The following PTPRN2 variants were observed in gnomAD, a reference collection of about 807,000 sequenced individuals.
The protein encoded by PTPRN2 is protein tyrosine phosphatase receptor type N2, also known as receptor-type tyrosine-protein phosphatase N2.
Under a neutral mutation model 118.8 loss-of-function variants are expected in PTPRN2, and 74 were observed. The observed-to-expected ratio is 0.62, with a 90% confidence interval of 0.52 to 0.76. PTPRN2 has a LOEUF of 0.76. Ranked by LOEUF, PTPRN2 falls within the 30% of genes least tolerant of loss-of-function variation. PTPRN2 has a pLI of 0.00. For synonymous variants in PTPRN2, 641 were observed against 608.0 expected, an observed-to-expected ratio of 1.05 and a Z score of -0.80; for missense variants, 1,481 against 1,394.4, an observed-to-expected ratio of 1.06 and a Z score of -0.99.
chr7:158,071,005 TGGTGG>T (rs1811373585), intron 11 of PTPRN2, among the ~76,000 whole-genome samples: 3 of 82,790 alleles, frequency 3.6e-5, no homozygotes, highest in Non-Finnish European at 4.6e-5. Context: ...GTGCTCATGG[TGGTGG>T]AGGTGCTCGT....
intron 2 of PTPRN2, among the ~76,000 whole-genome samples, chr7:158,376,570 C>T (rs374756094): frequency 5.8e-4 from 32 of 55,364 alleles, no homozygotes; most frequent in African/African-American, 2.1e-3. Context: ...ATCCTGCACG[C>T]GGGGTCAGGG....
At chr7:157,826,547 G>A (rs1481132386) in intron 12 of PTPRN2, among the ~76,000 whole-genome samples, 10 of 144,672 alleles carry the variant, frequency 6.9e-5, no homozygotes, top group South Asian at 6.7e-4. Context: ...CCATTTCCAC[G>A]CGTGCTGTGC....
intron 3 of PTPRN2, among the ~76,000 whole-genome samples, chr7:158,299,805 C>G (rs932194745): frequency 1.3e-5 from 2 of 152,144 alleles, no homozygotes; most frequent in Non-Finnish European, 1.5e-5. Flanking sequence ...TTCCCAGGCC[C>G]CCCAGGGAAG....
At chr7:157,723,429 C>G (rs1346202281) in intron 12 of PTPRN2, among the ~76,000 whole-genome samples, 1 of 152,220 alleles carries the variant, frequency 6.6e-6, no homozygotes, top group Non-Finnish European at 1.5e-5. Flanking sequence ...AGCTTCTACT[C>G]CAGTCCCAAA....
chr7:158,502,222 C>T lies in PTPRN2; in HGVS notation c.113-12437G>A, dbSNP rs568840865. ...CTGTATTAATAAAGTTTTATGGAAA[C>T]ACAGCCACGCCCACTTGCTTACAGA... On this transcript the variant is annotated intron_variant, in intron 1 of 22. Transcript: ENST00000389418. Among the ~76,000 whole-genome samples, 3 of 152,330 alleles carry T rather than the reference C, an allele frequency of 2.0e-5. No homozygotes were observed. In the East Asian group the frequency reaches 5.8e-4, roughly 29 times the overall value.
At chr7:157,924,004 G>A (rs958027947) in intron 11 of PTPRN2, among the ~76,000 whole-genome samples, 10 of 152,146 alleles carry the variant, frequency 6.6e-5, no homozygotes, top group African/African-American at 9.7e-5. Flanking sequence ...TCTGGATACC[G>A]CTGTTTGGGA....
At chr7:158,419,059 T>C (rs1815034419) in intron 2 of PTPRN2, among the ~76,000 whole-genome samples, 1 of 152,246 alleles carries the variant, frequency 6.6e-6, no homozygotes, top group Admixed American at 6.5e-5. Flanking sequence ...CACCATGCAA[T>C]GAGGTACAAC....
intron 1 of PTPRN2, among the ~76,000 whole-genome samples, chr7:158,522,833 G>A (rs1824311626): frequency 1.3e-5 from 2 of 152,186 alleles, no homozygotes; most frequent in Non-Finnish European, 1.5e-5. Flanking sequence ...TCTTCCAACA[G>A]CCCAAGTCTT....
chr7:157,851,360 C>T (rs922108290), intron 12 of PTPRN2, among the ~76,000 whole-genome samples: 3 of 151,832 alleles, frequency 2.0e-5, no homozygotes, highest in African/African-American at 4.9e-5. Context: ...ACAAATATGG[C>T]TCATGAATAA....
At chr7:158,185,541 G>T (rs1025642297) in intron 5 of PTPRN2, among the ~76,000 whole-genome samples, 14 of 152,192 alleles carry the variant, frequency 9.2e-5, no homozygotes, top group Non-Finnish European at 2.1e-4. Flanking sequence ...TCTGAAATTG[G>T]TTCATAACAT....
chr7:158,402,026 G>A (rs549872241), intron 2 of PTPRN2, among the ~76,000 whole-genome samples: 1 of 152,310 alleles, frequency 6.6e-6, no homozygotes, highest in East Asian at 1.9e-4. Flanking sequence ...GAGAGATGAG[G>A]AAAGGGGGTC....
intron 9 of PTPRN2, among the ~76,000 whole-genome samples, chr7:158,132,122 AAC>A (rs1215484426): frequency 4.8e-5 from 4 of 83,042 alleles, no homozygotes; most frequent in African/African-American, 1.4e-4. Flanking sequence ...ACACCTATCC[AAC>A]ACACATACAC....
rs548873162 is a variant in PTPRN2, at chr7:158,126,633, C to T, written c.1556+7044G>A. ...GCCACACCAGCCCCCGGAGAGCGGGCGGCGGAACTTCCTCTCCACCACACC... is the reference window on the plus strand; with the variant it reads ...GCCACACCAGCCCCCGGAGAGCGGGTGGCGGAACTTCCTCTCCACCACACC... On this transcript the variant is annotated intron_variant, in intron 9 of 22. Transcript: ENST00000389418. Among the ~76,000 whole-genome samples, 31 of 119,736 alleles carry T rather than the reference C, an allele frequency of 2.6e-4. No homozygotes were observed. The East Asian group carries it at 3.8e-3, about 14-fold the overall frequency. The allele number at this position is 119,736 out of a possible 152,430, so 78.6% of individuals were successfully genotyped here.
rs758225793 is a variant in PTPRN2, at chr7:158,587,565, C to T, written c.105G>A (p.Gly35=). The T allele has an allele frequency of 1.7e-5, 23 of 1,337,452 alleles. No individual in the cohort carries two copies. The highest frequency in any genetic ancestry group is 9.3e-5 in the African/African-American group (6 of 64,566). The allele number at this position is 1,337,452 out of a possible 1,614,324, so 82.8% of individuals were successfully genotyped here. A position where few individuals can be genotyped will look rare whatever the true frequency, so the allele number is the denominator to read the frequency against. Residue 35 remains glycine, a synonymous_variant, in exon 1 of 23, where the codon GGG becomes GGA. Coordinates refer to ENST00000389418, the MANE Select transcript of PTPRN2 (RefSeq NM_002847.5). ...CCGGCGCCCCCCACTCACCCAGACG[C>T]CCCGGGAGCTGCCGGCCGCGGGGGA... ...SSVPRGRQLP[G]RLGCLLEEGL... is the part of the protein sequence containing the mutation.
intron 11 of PTPRN2, among the ~76,000 whole-genome samples, chr7:157,994,595 T>TCCCCA (rs1804540642): frequency 2.7e-5 from 2 of 72,844 alleles, no homozygotes; most frequent in Non-Finnish European, 5.0e-5. Context: ...CCTAAATCAA[T>TCCCCA]GCCGCGTCCC....
intron 3 of PTPRN2, among the ~76,000 whole-genome samples, chr7:158,272,553 C>T (rs775643589): frequency 6.6e-5 from 10 of 152,178 alleles, no homozygotes; most frequent in South Asian, 4.1e-4. Context: ...TCTACCAGAA[C>T]GGCAGCCCAC....
chr7:158,587,446 G>C (rs570321834), intron 1 of PTPRN2, 112 bp downstream of exon 1: 4 of 66,898 alleles, frequency 6.0e-5, no homozygotes, highest in Non-Finnish European at 5.3e-5. Flanking sequence ...CTCTCCCCCC[G>C]ACCCCTCAGG....
At chr7:158,147,699 C>T (rs1174528050) in intron 6 of PTPRN2, among the ~76,000 whole-genome samples, 73 of 134,790 alleles carry the variant, frequency 5.4e-4, no homozygotes, top group South Asian at 1.6e-3. Flanking sequence ...TCACGCCACA[C>T]GTCTTTCCCC....
intron 11 of PTPRN2, among the ~76,000 whole-genome samples, chr7:157,971,646 A>G (rs1335708022): frequency 6.6e-6 from 1 of 152,192 alleles, no homozygotes; most frequent in Non-Finnish European, 1.5e-5. Flanking sequence ...TTTCTTGCAC[A>G]CTTTGATTAA....
Sources: allele counts gnomAD v4.1 joint callset (sites outside exome capture counted in the v4.1 genomes callset), GRCh38; gene constraint gnomAD v4.1.1; transcripts MANE v1.5; gene names NCBI Gene and HGNC (gene_info 2026-07-23, HGNC 2026-07-21).